Variants in SERHL2 observed in about 807,000 individuals in gnomAD.
SERHL2 encodes serine hydrolase like 2, also known as serine hydrolase-like protein 2.
In SERHL2, 29 loss-of-function variants were observed where a neutral mutation model predicts 25.5. The ratio of observed to expected loss-of-function variants is 1.14; its 90% CI spans 0.85 to 1.55. The LOEUF (loss-of-function observed/expected upper bound fraction) is 1.55. Among genes scored for constraint, SERHL2 ranks in the 40% most tolerant of loss-of-function variants. The pLI is 0.00. For synonymous variants in SERHL2, 95 were observed against 103.5 expected (o/e 0.92, Z 0.50); for missense variants, 240 against 252.3 (o/e 0.95, Z 0.33).
chr22:42,565,650 T>A (rs1923278606), intron 8 of SERHL2, among the ~76,000 whole-genome samples: 1 of 151,632 alleles, frequency 6.6e-6, no homozygotes, highest in African/African-American at 2.4e-5. Flanking sequence ...TTTTTTTGTG[T>A]AGAGATGGGG....
chr22:42,570,931 C>G (rs1395659304), intron 9 of SERHL2, among the ~76,000 whole-genome samples, 190 bp from the exon 10 acceptor site: 2 of 151,958 alleles, frequency 1.3e-5, no homozygotes, highest in Admixed American at 1.3e-4. Flanking sequence ...TTGGAGAGGG[C>G]AGGAGTCTCT....
intron 8 of SERHL2, among the ~76,000 whole-genome samples, chr22:42,560,992 C>T (rs1569275717): frequency 6.6e-6 from 1 of 152,016 alleles, no homozygotes; most frequent in East Asian, 1.9e-4. Flanking sequence ...TGGGGCCAGA[C>T]CTCCCGCACC....
chr22:42,565,023 G>A (rs1923173886), intron 8 of SERHL2: 2 of 152,112 alleles, frequency 1.3e-5, no homozygotes, highest in Admixed American at 1.3e-4. Context: ...CCTGGGTGCA[G>A]GCGGGCCGAG....
At chr22:42,569,961 T>A (rs766903502) in intron 9 of SERHL2, 1 of 151,750 alleles carries the variant, frequency 6.6e-6, no homozygotes, top group Non-Finnish European at 1.5e-5. Flanking sequence ...CCGGAATTAA[T>A]CCACTCAGCT....
At position 42,572,524 on chromosome 22, in the gene SERHL2, A is replaced by C; in HGVS notation, c.820A>C (p.Lys274Gln). The change falls in exon 11 of 12, where the codon AAA (lysine) becomes CAA (glutamine). Residue 274 changes from lysine (K) to glutamine (Q), a missense_variant. By Grantham distance (53) the Lys-to-Gln change is moderately conservative (BLOSUM62 1). Around this residue, in one of 4 missense-constraint regions of SERHL2, gnomAD observed 212 missense variants for 168.9 expected, o/e 1.25. Coordinates refer to ENST00000327678, the MANE Select transcript of SERHL2 (RefSeq NM_014509.5). ...FMIDTMKSTL[K>Q]EQFQFVEVPG... is the part of the protein sequence containing the mutation. The stretch of plus-strand genomic sequence containing the variant: ...GATAGACACGATGAAATCCACCCTC[A>C]AAGAGGTAAGACGGGGCTCAGGCAG... 1 of 1,612,128 alleles carries C rather than the reference A, an allele frequency of 6.2e-7. No homozygotes were observed. The highest frequency in any genetic ancestry group is 8.5e-7 in the Non-Finnish European group (1 of 1,178,566).
At chr22:42,559,183 C>G (rs1413041344) in intron 7 of SERHL2, among the ~76,000 whole-genome samples, 3 of 93,510 alleles carry the variant, frequency 3.2e-5, no homozygotes, top group Non-Finnish European at 5.7e-5. Flanking sequence ...TAGCTTGAGC[C>G]CAGGAGTTAG....
intron 5 of SERHL2, 57 bp from the exon 6 acceptor site, chr22:42,556,457 C>A (rs370516245): frequency 6.2e-7 from 1 of 1,610,970 alleles, no homozygotes; most frequent in Admixed American, 1.7e-5. Flanking sequence ...CAGGGAAAGG[C>A]GGGAGTGTCC....
intron 11 of SERHL2, 126 bp from the exon 12 acceptor site, chr22:42,573,810 C>G (rs1002220268): frequency 2.3e-6 from 2 of 869,164 alleles, no homozygotes; most frequent in Admixed American, 2.3e-5. Context: ...GGGGGAAACT[C>G]ACTGTGGGAG....
chr22:42,569,819 G>A (rs1923913596), intron 9 of SERHL2: 1 of 149,476 alleles, frequency 6.7e-6, no homozygotes, highest in African/African-American at 2.5e-5. Flanking sequence ...TTTCACTGGT[G>A]TGTGTGTGTT....
rs142945122 is a variant in SERHL2, at chr22:42,561,253, T to C, written c.613+988T>C. 5.9e-3 allele frequency among the ~76,000 whole-genome samples: 890 copies of C among 151,896 alleles called. 14 individuals are homozygous for C. The highest frequency in any genetic ancestry group is 0.02 in the African/African-American group (850 of 41,494). ...GGGTGAGGGAACAGCTGGAGGGAGA[T>C]GGTGTCGTCGGATGGAAAATGTGCT... On this transcript the variant is annotated intron_variant, in intron 8 of 11. Coordinates refer to ENST00000327678, the MANE Select transcript of SERHL2 (RefSeq NM_014509.5).
At position 42,554,162 on chromosome 22, in the gene SERHL2, T is replaced by A. The variant is rs762884455; in HGVS notation, c.22+120T>A. On this transcript the variant is annotated intron_variant, in intron 1 of 11. Coordinates refer to ENST00000327678, the MANE Select transcript of SERHL2 (RefSeq NM_014509.5). Reference sequence around the variant, plus strand: ...GCGTCGCCCTCCTGGGTGTCGCAGCTCCTTCCTCGGCAGTCCCGGGGCATG... The same window carrying A: ...GCGTCGCCCTCCTGGGTGTCGCAGCACCTTCCTCGGCAGTCCCGGGGCATG... 1.0e-4 allele frequency: 130 copies of A among 1,256,484 alleles called. 1 individual carries two copies. The highest frequency in any genetic ancestry group is 1.3e-4 in the Non-Finnish European group (117 of 892,520). 77.8% of individuals were successfully genotyped at this position (1,256,484 alleles called of 1,614,324 possible). A position where few individuals can be genotyped will look rare whatever the true frequency, so the allele number is the denominator to read the frequency against.
In SERHL2 at chr22:42,571,415, C is replaced by T. The variant is rs886912007; in HGVS notation, c.731+212C>T. Reference sequence around the variant, plus strand: ...AGGGCTCGGGCAGCAGGGGATGGGCCGGGGCTGTCCCATGCCTTTCCACAG... The same window carrying T: ...AGGGCTCGGGCAGCAGGGGATGGGCTGGGGCTGTCCCATGCCTTTCCACAG... On this transcript the variant is annotated intron_variant, in intron 10 of 11. Transcript: ENST00000327678. 205 of 1,393,730 alleles carry T rather than the reference C, an allele frequency of 1.5e-4. 3 individuals carry two copies. The African/African-American group carries it at 2.2e-3, about 15-fold the overall frequency. The allele number at this position is 1,393,730 out of a possible 1,614,324, so 86.3% of individuals were successfully genotyped here.
Position 42,574,061 on chromosome 22 carries a change from G to A in SERHL2, c.*6G>A. 6.2e-7 allele frequency: 1 copy of A among 1,612,274 alleles called. No homozygotes were observed. Among genetic ancestry groups the A allele is most frequent in the South Asian group, 1.1e-5 (1 of 91,030 alleles). On this transcript the variant is annotated 3_prime_UTR_variant, in exon 12 of 12. Coordinates refer to ENST00000327678, the MANE Select transcript of SERHL2 (RefSeq NM_014509.5). The stretch of plus-strand genomic sequence containing the variant: ...TGCTCCCAGCCCAGCTGTAGCTCTG[G>A]GCCTGGAACTATGAAGACCTAGTGC...
chr22:42,565,906 T>G (rs1196742772), intron 8 of SERHL2, among the ~76,000 whole-genome samples: 1 of 151,916 alleles, frequency 6.6e-6, no homozygotes, highest in African/African-American at 2.4e-5. Context: ...TAGGCTGGAG[T>G]GCAGTGGCAC....
intron 10 of SERHL2, chr22:42,571,450 G>A: frequency 7.6e-7 from 1 of 1,314,302 alleles, no homozygotes. Flanking sequence ...GGTGTCAGCG[G>A]GGGGCATGCC....
chr22:42,554,110 CG>C (rs1280489025), intron 1 of SERHL2, 68 bp downstream of exon 1: 9 of 1,569,436 alleles, frequency 5.7e-6, no homozygotes, highest in East Asian at 2.3e-5. Flanking sequence ...TAGAAGAGGG[CG>C]GGATGGAGTG....
intron 8 of SERHL2, among the ~76,000 whole-genome samples, chr22:42,562,720 G>A (rs1245527160): frequency 6.6e-6 from 1 of 151,982 alleles, no homozygotes; most frequent in East Asian, 1.9e-4. Flanking sequence ...GGACAGGCCT[G>A]GAGGTGTGAG....
At chr22:42,560,627 G>A (rs562877702) in intron 8 of SERHL2, among the ~76,000 whole-genome samples, 13 of 151,976 alleles carry the variant, frequency 8.6e-5, no homozygotes, top group Non-Finnish European at 1.8e-4. Context: ...GAGTGACTTG[G>A]GAGAGGCTTT....
intron 11 of SERHL2, chr22:42,573,266 T>C (rs1404675000): frequency 3.5e-5 from 5 of 143,782 alleles, no homozygotes; most frequent in East Asian, 4.2e-4. Flanking sequence ...TTTTTTGAGA[T>C]GGAGTGTCGC....
Sources: allele counts gnomAD v4.1 joint callset (sites outside exome capture counted in the v4.1 genomes callset), GRCh38; gene constraint gnomAD v4.1.1; regional missense constraint gnomAD v4.1.1; transcripts MANE v1.5; gene names NCBI Gene and HGNC (gene_info 2026-07-23, HGNC 2026-07-21).